PRKCA: variants seen among roughly 807,000 people sequenced by gnomAD.
PRKCA encodes protein kinase C alpha.
Under a neutral mutation model 87.0 loss-of-function variants are expected in PRKCA, and 27 were observed. The observed-to-expected ratio is 0.31, with a 90% CI of 0.23 to 0.43. The LOEUF is 0.43. Among genes scored for constraint, PRKCA ranks in the 20% least tolerant of loss-of-function variants. The pLI is 1.00. For synonymous variants in PRKCA, 329 were observed against 311.1 expected (o/e 1.06, Z -0.61); for missense variants, 518 against 852.3 (o/e 0.61, Z 4.88).
At chr17:66,551,412 C>T (rs759118) in intron 3 of PRKCA, among the ~76,000 whole-genome samples, 51,936 of 152,158 alleles carry the variant, frequency 0.34, 9,305 homozygotes, top group African/African-American at 0.42. Context: ...AGGACCCATT[C>T]CCAAGCCTGC....
At chr17:66,531,291 A>G (rs565601906) in intron 3 of PRKCA, among the ~76,000 whole-genome samples, 2 of 152,324 alleles carry the variant, frequency 1.3e-5, no homozygotes, top group South Asian at 4.1e-4. Context: ...GTTTCTTCCA[A>G]GTACTCTTCA....
chr17:66,649,323 G>A (rs7208780), intron 5 of PRKCA, among the ~76,000 whole-genome samples: 94,916 of 152,060 alleles, frequency 0.62, 29,718 homozygotes, highest in African/African-American at 0.7. Flanking sequence ...TTCAGGCATG[G>A]GTTTGTCTTG....
At chr17:66,410,356 A>G (rs910005040) in intron 2 of PRKCA, among the ~76,000 whole-genome samples, 1 of 152,186 alleles carries the variant, frequency 6.6e-6, no homozygotes, top group Non-Finnish European at 1.5e-5. Flanking sequence ...ATGGAAACTC[A>G]GACGTGGCTG....
chr17:66,640,828 A>G, intron 3 of PRKCA: 1 of 378,590 alleles, frequency 2.6e-6, no homozygotes, highest in Non-Finnish European at 5.1e-6. Flanking sequence ...TGCAAATTTC[A>G]CCCCATAAAT....
chr17:66,662,373 T>C (rs1971930679), intron 5 of PRKCA, among the ~76,000 whole-genome samples: 1 of 152,230 alleles, frequency 6.6e-6, no homozygotes, highest in Admixed American at 6.5e-5. Flanking sequence ...TTTCCCTTTC[T>C]ACTGACAGTT....
At chr17:66,454,953 C>G (rs945380819) in intron 2 of PRKCA, among the ~76,000 whole-genome samples, 2 of 152,146 alleles carry the variant, frequency 1.3e-5, no homozygotes, top group Admixed American at 6.5e-5. Flanking sequence ...GGTGCCTGAC[C>G]ACAGGATGGA....
chr17:66,441,647 C>T (rs562674276), intron 2 of PRKCA, among the ~76,000 whole-genome samples: 27 of 152,214 alleles, frequency 1.8e-4, no homozygotes, highest in Non-Finnish European at 3.2e-4. Context: ...AAGTCAATGC[C>T]TGTGATCCCC....
intron 13 of PRKCA, among the ~76,000 whole-genome samples, chr17:66,746,349 T>G (rs1974284963): frequency 1.3e-5 from 2 of 151,922 alleles, no homozygotes; most frequent in South Asian, 4.2e-4. Flanking sequence ...CATTTTTTCC[T>G]CATAAGTGTT....
intron 3 of PRKCA, among the ~76,000 whole-genome samples, chr17:66,574,499 G>A (rs1403797582): frequency 2.0e-5 from 3 of 152,170 alleles, no homozygotes; most frequent in African/African-American, 7.2e-5. Flanking sequence ...AAACAGCGCA[G>A]TTGTCACCCC....
At chr17:66,580,192 T>G (rs2143457838) in intron 3 of PRKCA, among the ~76,000 whole-genome samples, 1 of 152,368 alleles carries the variant, frequency 6.6e-6, no homozygotes, top group South Asian at 2.1e-4. Context: ...GGCTGATACT[T>G]TACTCATGGA....
At chr17:66,593,067 G>C (rs1488703298) in intron 3 of PRKCA, among the ~76,000 whole-genome samples, 1 of 152,202 alleles carries the variant, frequency 6.6e-6, no homozygotes, top group Non-Finnish European at 1.5e-5. Flanking sequence ...TGGGATTATA[G>C]GCATGAGCCA....
intron 3 of PRKCA, among the ~76,000 whole-genome samples, chr17:66,539,449 G>T (rs1172700633): frequency 6.6e-6 from 1 of 151,372 alleles, no homozygotes; most frequent in Non-Finnish European, 1.5e-5. Context: ...TGTCCTCCAG[G>T]CTGGATTGCA....
intron 3 of PRKCA, among the ~76,000 whole-genome samples, chr17:66,510,142 C>T (rs1490457317): frequency 1.3e-5 from 2 of 152,066 alleles, no homozygotes; most frequent in Non-Finnish European, 2.9e-5. Flanking sequence ...AACTAAGAAC[C>T]CATGACTGTA....
chr17:66,397,697 C>T (rs376617209), intron 2 of PRKCA, among the ~76,000 whole-genome samples: 103 of 152,028 alleles, frequency 6.8e-4, no homozygotes, highest in African/African-American at 2.3e-3. Flanking sequence ...CATCAAGGGC[C>T]TCTAGAGATT....
chr17:66,704,066 C>A (rs1229949436), intron 8 of PRKCA, among the ~76,000 whole-genome samples: 1 of 151,688 alleles, frequency 6.6e-6, no homozygotes, highest in East Asian at 1.9e-4. Context: ...CTTATGGGAC[C>A]ACCATCATTT....
chr17:66,419,849 A>G lies in PRKCA; in HGVS notation c.206-76352A>G, dbSNP rs144600159. On this transcript the variant is annotated intron_variant, in intron 2 of 16. Coordinates refer to ENST00000413366, the MANE Select transcript of PRKCA (RefSeq NM_002737.3). ...TTGATGTCTTGGGGCATGATTGGGA[A>G]AGTCTCCAAGGCATAGGTCCATCCA... Among the ~76,000 whole-genome samples, 1,068 of 152,224 alleles carry G rather than the reference A, an allele frequency of 7.0e-3. 20 individuals are homozygous for G. Among genetic ancestry groups the G allele is most frequent in the African/African-American group, 0.024 (1,005 of 41,528 alleles).
intron 8 of PRKCA, among the ~76,000 whole-genome samples, chr17:66,713,301 C>T (rs947702071): frequency 1.3e-5 from 2 of 152,050 alleles, no homozygotes; most frequent in African/African-American, 2.4e-5. Context: ...CTGCCTGCCT[C>T]GGCCTCCCAA....
intron 3 of PRKCA, among the ~76,000 whole-genome samples, chr17:66,623,127 C>T (rs923648927): frequency 6.6e-6 from 1 of 152,232 alleles, no homozygotes; most frequent in Admixed American, 6.5e-5. Context: ...TTGAATTGCT[C>T]CTTCTTTGTA....
chr17:66,314,538 G>A (rs371660187), intron 2 of PRKCA, among the ~76,000 whole-genome samples: 116 of 152,320 alleles, frequency 7.6e-4, no homozygotes, highest in African/African-American at 2.4e-3. Context: ...TAAGATTAGC[G>A]TAAGGGCAGT....
Sources: allele counts gnomAD v4.1 joint callset (sites outside exome capture counted in the v4.1 genomes callset), GRCh38; gene constraint gnomAD v4.1.1; transcripts MANE v1.5; gene names NCBI Gene and HGNC (gene_info 2026-07-23, HGNC 2026-07-21).